Variants in ADAMTSL1 observed in about 807,000 individuals in gnomAD.
ADAMTSL1 encodes the protein ADAMTS-like protein 1.
ADAMTSL1 carries 126 observed loss-of-function variants against 201.8 expected under a neutral mutation model. The ratio of observed to expected loss-of-function variants is 0.62; its 90% CI spans 0.54 to 0.72. ADAMTSL1 has a LOEUF of 0.72. ADAMTSL1 is among the 30% of genes least tolerant of loss of function. The pLI, the probability that ADAMTSL1 is intolerant of heterozygous loss-of-function variation, is 0.00. For synonymous variants in ADAMTSL1, 1,121 were observed against 903.4 expected (o/e 1.24, Z -4.32); for missense variants, 2,679 against 2,277.8 (o/e 1.18, Z -3.59).
intron 2 of ADAMTSL1, among the ~76,000 whole-genome samples, chr9:18,212,099 T>C (rs1003569731): frequency 4.6e-5 from 7 of 152,064 alleles, no homozygotes; most frequent in Non-Finnish European, 4.4e-5. Context: ...CCAGAAAAAA[T>C]TCTGGAACCA....
intron 2 of ADAMTSL1, among the ~76,000 whole-genome samples, chr9:18,185,997 T>C (rs1828716593): frequency 6.6e-6 from 1 of 152,182 alleles, no homozygotes; most frequent in Admixed American, 6.5e-5. Context: ...GAATTACATA[T>C]CCCTTTCTCA....
At chr9:18,585,518 G>A (rs535531867) in intron 4 of ADAMTSL1, among the ~76,000 whole-genome samples, 53 of 152,058 alleles carry the variant, frequency 3.5e-4, no homozygotes, top group African/African-American at 1.3e-3. Flanking sequence ...AGGAAATTGA[G>A]GCTCATAGAA....
intron 23 of ADAMTSL1, among the ~76,000 whole-genome samples, chr9:18,886,164 G>GTATATATATATATA (rs773443727): frequency 1.6e-5 from 1 of 62,200 alleles, no homozygotes; most frequent in Admixed American, 1.9e-4. Context: ...GAGTGTGTAT[G>GTATATATATATATA]TGTATATATA....
chr9:18,781,086 G>A (rs1023388248), intron 19 of ADAMTSL1, among the ~76,000 whole-genome samples: 1 of 152,116 alleles, frequency 6.6e-6, no homozygotes, highest in Non-Finnish European at 1.5e-5. Flanking sequence ...ACCTTAATGG[G>A]CATTGAGAGT....
intron 2 of ADAMTSL1, among the ~76,000 whole-genome samples, chr9:18,339,404 A>C (rs981269027): frequency 6.6e-6 from 1 of 152,180 alleles, no homozygotes; most frequent in African/African-American, 2.4e-5. Flanking sequence ...CCACAGTGAG[A>C]TACCATCTCA....
intron 1 of ADAMTSL1, among the ~76,000 whole-genome samples, chr9:18,029,868 A>C (rs1347746639): frequency 2.0e-5 from 3 of 152,170 alleles, no homozygotes; most frequent in African/African-American, 7.2e-5. Flanking sequence ...CACCAGTTAG[A>C]ATGGTGATCA....
intron 2 of ADAMTSL1, among the ~76,000 whole-genome samples, chr9:18,439,428 G>A (rs866249379): frequency 3.5e-4 from 53 of 152,140 alleles, no homozygotes; most frequent in African/African-American, 1.2e-3. Context: ...ATGCAGTGGC[G>A]CAATCTTATC....
At chr9:18,904,674 GT>G in intron 26 of ADAMTSL1, among the ~76,000 whole-genome samples, 1 of 94,332 alleles carries the variant, frequency 1.1e-5, no homozygotes, top group Non-Finnish European at 2.1e-5. Flanking sequence ...AAAAAAAAAG[GT>G]CCGTTTATGT....
At chr9:18,624,905 C>A (rs1423672125) in intron 5 of ADAMTSL1, among the ~76,000 whole-genome samples, 1 of 152,214 alleles carries the variant, frequency 6.6e-6, no homozygotes, top group East Asian at 1.9e-4. Flanking sequence ...GATTCGTTTA[C>A]CTTAGCACTG....
chr9:18,694,535 C>T (rs1831432675), intron 13 of ADAMTSL1, among the ~76,000 whole-genome samples: 1 of 152,156 alleles, frequency 6.6e-6, no homozygotes, highest in Non-Finnish European at 1.5e-5. Flanking sequence ...TTACAGACCC[C>T]GTGCAAGTCA....
chr9:18,267,598 C>A (rs185308035), intron 2 of ADAMTSL1, among the ~76,000 whole-genome samples: 4 of 151,980 alleles, frequency 2.6e-5, no homozygotes, highest in African/African-American at 9.7e-5. Flanking sequence ...AAGCACTCTA[C>A]GAAAACTGAA....
At chr9:18,032,216 A>G (rs1349582969) in intron 1 of ADAMTSL1, among the ~76,000 whole-genome samples, 1 of 152,122 alleles carries the variant, frequency 6.6e-6, no homozygotes, top group Admixed American at 6.5e-5. Flanking sequence ...CTACACTGGC[A>G]CACAAACCAG....
At chr9:18,507,694 C>T (rs1017659771) in intron 2 of ADAMTSL1, among the ~76,000 whole-genome samples, 2 of 152,136 alleles carry the variant, frequency 1.3e-5, no homozygotes, top group Non-Finnish European at 2.9e-5. Flanking sequence ...ACAAGGCATG[C>T]GTATACACCT....
At chr9:18,025,030 AT>A (rs1247207109) in intron 1 of ADAMTSL1, among the ~76,000 whole-genome samples, 5 of 151,986 alleles carry the variant, frequency 3.3e-5, no homozygotes, top group Admixed American at 3.3e-4. Flanking sequence ...AATGTGGAGC[AT>A]TTTTTCATAT....
At chr9:18,521,241 G>T (rs1032246598) in intron 2 of ADAMTSL1, among the ~76,000 whole-genome samples, 1 of 152,038 alleles carries the variant, frequency 6.6e-6, no homozygotes, top group Non-Finnish European at 1.5e-5. Flanking sequence ...GAGGTACAGG[G>T]TTATCTGGAA....
intron 2 of ADAMTSL1, among the ~76,000 whole-genome samples, chr9:18,249,624 G>T (rs965595675): frequency 1.3e-5 from 2 of 152,148 alleles, no homozygotes; most frequent in African/African-American, 4.8e-5. Flanking sequence ...TTAATTAGAA[G>T]ATTTTATATT....
chr9:18,121,652 C>G (rs1485809156), intron 1 of ADAMTSL1, among the ~76,000 whole-genome samples: 1 of 152,114 alleles, frequency 6.6e-6, no homozygotes, highest in Non-Finnish European at 1.5e-5. Context: ...CCTTACTAGT[C>G]TTTTTCTATC....
intron 3 of ADAMTSL1, among the ~76,000 whole-genome samples, chr9:18,571,442 G>T (rs1822294672): frequency 6.6e-6 from 1 of 152,100 alleles, no homozygotes; most frequent in Non-Finnish European, 1.5e-5. Flanking sequence ...TGTACCCCCA[G>T]TACAATGTAC....
intron 4 of ADAMTSL1, among the ~76,000 whole-genome samples, chr9:18,609,621 G>T (rs1383098408): frequency 6.6e-6 from 1 of 152,076 alleles, no homozygotes; most frequent in African/African-American, 2.4e-5. Context: ...GGAGTCTACA[G>T]GTTCCCAGAT....
Sources: gnomAD v4.1 joint callset for allele counts (sites outside exome capture counted in the v4.1 genomes callset) on GRCh38, gnomAD v4.1.1 for gene constraint, MANE v1.5 for transcripts, NCBI Gene and HGNC (gene_info 2026-07-23, HGNC 2026-07-21) for gene names.